COL4A1: variants seen among roughly 807,000 people sequenced by gnomAD.
COL4A1 encodes collagen type IV alpha 1 chain.
Under a neutral mutation model 216.6 loss-of-function variants are expected in COL4A1, and 40 were observed. The observed-to-expected ratio is 0.18, with a 90% CI of 0.14 to 0.24. COL4A1 has a LOEUF of 0.24. Among genes scored for constraint, COL4A1 ranks in the 10% least tolerant of loss-of-function variants. COL4A1 has a pLI of 1.00. For synonymous variants in COL4A1, 839 were observed against 810.7 expected, an observed-to-expected ratio of 1.03 and a Z score of -0.59; for missense variants, 1,628 against 2,196.8, an observed-to-expected ratio of 0.74 and a Z score of 5.18.
rs114649706 is a variant in COL4A1, at chr13:110,230,320, A to G, written c.144+12355T>C. ...TGTGTGGTGTGTGCGTGTATGTGAT[A>G]TGTGCATGCACGTGATGTGTGCATG... On this transcript the variant is annotated intron_variant, in intron 2 of 51. Transcript: ENST00000375820. Among the ~76,000 whole-genome samples the G allele has an allele frequency of 7.5e-3, 1,143 of 151,992 alleles. 17 individuals carry two copies. Among genetic ancestry groups the G allele is most frequent in the African/African-American group, 0.026 (1,094 of 41,436 alleles).
intron 20 of COL4A1, among the ~76,000 whole-genome samples, chr13:110,199,433 G>A (rs975684111): frequency 1.3e-5 from 2 of 152,204 alleles, no homozygotes; most frequent in East Asian, 3.9e-4. Context: ...CTGTCACTGG[G>A]GAGAAAAGCC....
chr13:110,238,709 C>T (rs1411261846), intron 2 of COL4A1, among the ~76,000 whole-genome samples: 1 of 152,168 alleles, frequency 6.6e-6, no homozygotes, highest in Non-Finnish European at 1.5e-5. Flanking sequence ...TGCAGGGTCA[C>T]AGACTATGGT....
In COL4A1 at chr13:110,192,303, A is replaced by G. The variant is rs762421219; in HGVS notation, c.1466-19T>C. On this transcript the variant is annotated intron_variant, in intron 23 of 51. Transcript: ENST00000375820. Reference sequence around the variant, plus strand: ...GGGAAACCTTTCGTGAGAGAGAGGGAAAAAGACAGCAACACAGCATTCATG... The same window carrying G: ...GGGAAACCTTTCGTGAGAGAGAGGGGAAAAGACAGCAACACAGCATTCATG... The G allele has an allele frequency of 6.2e-7, 1 of 1,611,310 alleles. No individual in the cohort carries two copies. The highest frequency in any genetic ancestry group is 1.3e-5 in the African/African-American group (1 of 74,868).
intron 25 of COL4A1, 60 bp from the exon 26 acceptor site, chr13:110,186,613 T>C: frequency 6.3e-7 from 1 of 1,593,976 alleles, no homozygotes; most frequent in Non-Finnish European, 8.6e-7. Flanking sequence ...CCTGTCCTTA[T>C]CGCATTCTTC....
rs1294258497 is a variant in COL4A1, at chr13:110,161,244, G to A, written c.4588C>T (p.Pro1530Ser). The change falls in exon 49 of 52, where the codon CCC becomes TCC. Residue 1530 changes from proline to serine, a missense_variant. Physicochemically the swap from Pro to Ser is moderately conservative, Grantham distance 74. Around this residue, in one of 8 missense-constraint regions of COL4A1, gnomAD observed 254 missense variants for 300.1 expected, o/e 0.85. Coordinates refer to ENST00000375820, the MANE Select transcript of COL4A1 (RefSeq NM_001845.6). ...SYWLSTPEPMPMSMAPITGEN... is the reference protein window; with the variant it reads ...SYWLSTPEPMSMSMAPITGEN... ...CCCGTGATGGGTGCCATTGACATGGGCATGGGCTCAGGGGTGGACAGCCAG... is the reference window on the plus strand; with the variant it reads ...CCCGTGATGGGTGCCATTGACATGGACATGGGCTCAGGGGTGGACAGCCAG... 2.5e-6 allele frequency: 4 copies of A among 1,614,082 alleles called. No homozygotes were observed. The highest frequency in any genetic ancestry group is 3.4e-6 in the Non-Finnish European group (4 of 1,180,044).
At chr13:110,306,302 T>G (rs1260718545) in intron 1 of COL4A1, among the ~76,000 whole-genome samples, 1 of 152,242 alleles carries the variant, frequency 6.6e-6, no homozygotes, top group Non-Finnish European at 1.5e-5. Flanking sequence ...AAATATATAT[T>G]AATAGAAGGC....
chr13:110,191,449 G>A, intron 24 of COL4A1: 1 of 433,676 alleles, frequency 2.3e-6, no homozygotes, highest in Non-Finnish European at 4.1e-6. Flanking sequence ...ACAATGCCTT[G>A]AGATTTCAAA....
chr13:110,216,034 A>G (rs564768844), intron 2 of COL4A1, among the ~76,000 whole-genome samples: 1 of 152,378 alleles, frequency 6.6e-6, no homozygotes, highest in East Asian at 1.9e-4. Flanking sequence ...CAAACCCTAA[A>G]GAATTGAATC....
intron 2 of COL4A1, among the ~76,000 whole-genome samples, chr13:110,236,749 T>C (rs952315131): frequency 3.9e-4 from 59 of 152,052 alleles, no homozygotes; most frequent in Non-Finnish European, 1.5e-4. Context: ...ACGCTGGGGG[T>C]GTTTCTGCAG....
intron 17 of COL4A1, among the ~76,000 whole-genome samples, chr13:110,205,128 C>CA (rs1162636103): frequency 6.6e-6 from 1 of 151,904 alleles, no homozygotes; most frequent in East Asian, 1.9e-4. Context: ...AATCTACTAC[C>CA]AAAAAAAGAT....
rs901577498 is a variant in COL4A1 at position 110,207,790 on chromosome 13, G to A, written c.694-301C>T. 9.9e-5 allele frequency among the ~76,000 whole-genome samples: 15 copies of A among 152,136 alleles called. No individual in the cohort carries two copies. Among genetic ancestry groups the A allele is most frequent in the Non-Finnish European group, 1.6e-4 (11 of 68,018 alleles). On this transcript the variant is annotated intron_variant, in intron 12 of 51. Coordinates refer to ENST00000375820, the MANE Select transcript of COL4A1 (RefSeq NM_001845.6). This position sits in a 1 kb window ranked among gnomAD's most constrained non-coding sequence, Gnocchi z 4.4. ...CCGGACTTGCGTGCCCCTGTATAGT[G>A]TATACTGGCTTCTGATGGCACGGAG...
At chr13:110,294,420 C>T (rs1254072487) in intron 1 of COL4A1, among the ~76,000 whole-genome samples, 1 of 152,224 alleles carries the variant, frequency 6.6e-6, no homozygotes, top group East Asian at 1.9e-4. Context: ...TGTCCACAGC[C>T]TCCCTCCCAT....
At position 110,275,353 on chromosome 13, in the gene COL4A1, A is replaced by G. The variant is rs891317226; in HGVS notation, c.84+31591T>C. On this transcript the variant is annotated intron_variant, in intron 1 of 51. Transcript: ENST00000375820. ...GGAAAATGCAAATTTAATCAATGAG[A>G]TACCAGTACACACCTATTAAAGTGG... Among the ~76,000 whole-genome samples the G allele has an allele frequency of 2.2e-4, 33 of 152,244 alleles. 1 individual carries two copies. The highest frequency in any genetic ancestry group is 4.7e-4 in the Non-Finnish European group (32 of 68,040).
chr13:110,212,537 T>G, intron 5 of COL4A1, 37 bp downstream of exon 5: 1 of 1,614,140 alleles, frequency 6.2e-7, no homozygotes, highest in Non-Finnish European at 8.5e-7. Flanking sequence ...TGGAAGAATA[T>G]TTCATAAAAG....
At chr13:110,233,232 T>G (rs1042721687) in intron 2 of COL4A1, among the ~76,000 whole-genome samples, 1 of 152,192 alleles carries the variant, frequency 6.6e-6, no homozygotes, top group African/African-American at 2.4e-5. Flanking sequence ...ACTGATCACA[T>G]GGATTCTCAC....
chr13:110,199,574 A>G (rs1017469196), intron 20 of COL4A1, among the ~76,000 whole-genome samples: 31 of 152,316 alleles, frequency 2.0e-4, no homozygotes, highest in African/African-American at 7.5e-4. Context: ...AAAATGAAGG[A>G]ACTACCCGGG....
intron 1 of COL4A1, among the ~76,000 whole-genome samples, chr13:110,252,645 TACA>T (rs1882175207): frequency 2.6e-5 from 1 of 38,384 alleles, no homozygotes; most frequent in Admixed American, 3.5e-4. Flanking sequence ...TATACTTATA[TACA>T]AAATGTATAT....
chr13:110,307,058 T>C lies in COL4A1; in HGVS notation c.-31A>G. The C allele has an allele frequency of 1.4e-6, 2 of 1,433,054 alleles. No individual in the cohort carries two copies. Among genetic ancestry groups the C allele is most frequent in the Non-Finnish European group, 1.8e-6 (2 of 1,096,376 alleles). 88.8% of individuals were successfully genotyped at this position (1,433,054 alleles called of 1,614,324 possible). On this transcript the variant is annotated 5_prime_UTR_variant, in exon 1 of 52. Coordinates refer to ENST00000375820, the MANE Select transcript of COL4A1 (RefSeq NM_001845.6). This position sits in a 1 kb window ranked among gnomAD's most constrained non-coding sequence, Gnocchi z 5.0. ...CGCGCCCGAGGCGGCGAGGGACGGC[T>C]GCCCGGCGTGCGGGGGCCGCGGCGG...
At chr13:110,272,528 C>A (rs1883281056) in intron 1 of COL4A1, among the ~76,000 whole-genome samples, 1 of 152,096 alleles carries the variant, frequency 6.6e-6, no homozygotes, top group African/African-American at 2.4e-5. Flanking sequence ...ATGCTTGTCT[C>A]TCTGAATTCT....
Sources: gnomAD v4.1 joint callset for allele counts (sites outside exome capture counted in the v4.1 genomes callset) on GRCh38, gnomAD v4.1.1 for gene constraint, gnomAD v4.1.1 regional missense constraint, Gnocchi (gnomAD v3.1) non-coding constraint, MANE v1.5 for transcripts, NCBI Gene and HGNC (gene_info 2026-07-23, HGNC 2026-07-21) for gene names.